The following P3H2 variants were observed in gnomAD, a reference collection of about 807,000 sequenced individuals.
The protein encoded by P3H2 is leprecan-like 1.
In P3H2, 80 loss-of-function variants were observed where a neutral mutation model predicts 87.0. The ratio of observed to expected loss-of-function variants is 0.92; its 90% CI spans 0.77 to 1.11. P3H2 has a LOEUF of 1.11. Ranked by LOEUF, P3H2 falls within the 50% of genes least tolerant of loss-of-function variation. The pLI, the probability that P3H2 is intolerant of heterozygous loss-of-function variation, is 0.00. For missense variants in P3H2, 1,001 were observed against 923.9 expected, an observed-to-expected ratio of 1.08 and a Z score of -1.08; for synonymous variants, 367 against 359.3, an observed-to-expected ratio of 1.02 and a Z score of -0.24.
chr3:189,978,401 G>A (rs1723417814), intron 8 of P3H2, among the ~76,000 whole-genome samples: 2 of 152,152 alleles, frequency 1.3e-5, no homozygotes, highest in Admixed American at 1.3e-4. Flanking sequence ...GGAATACTGT[G>A]TTAAGTTCTG....
rs368247230 is a variant in P3H2 at position 190,080,010 on chromosome 3, G to A, written c.480+40242C>T. 4.9e-4 allele frequency among the ~76,000 whole-genome samples: 75 copies of A among 152,320 alleles called. 1 individual carries two copies. In the South Asian group the frequency reaches 0.015, roughly 30 times the overall value. Reference sequence around the variant, plus strand: ...TCAATGAATCATTGTTATTATAATAGAGTAGGAAAAGGCAAGTTATATATT... The same window carrying A: ...TCAATGAATCATTGTTATTATAATAAAGTAGGAAAAGGCAAGTTATATATT... On this transcript the variant is annotated intron_variant, in intron 1 of 14. Transcript: ENST00000319332.
chr3:189,978,745 C>T (rs150813396), intron 8 of P3H2, among the ~76,000 whole-genome samples: 67 of 151,530 alleles, frequency 4.4e-4, no homozygotes, highest in Non-Finnish European at 7.8e-4. Flanking sequence ...GTCAACCAGC[C>T]TCCATATGAC....
intron 1 of P3H2, among the ~76,000 whole-genome samples, chr3:190,079,262 A>G (rs1440072666): frequency 2.0e-5 from 3 of 151,832 alleles, no homozygotes; most frequent in African/African-American, 7.3e-5. Context: ...AATCACTTGA[A>G]CCCAGGAGGT....
chr3:190,016,769 C>G (rs1364497030), intron 1 of P3H2, among the ~76,000 whole-genome samples: 1 of 152,182 alleles, frequency 6.6e-6, no homozygotes, highest in Non-Finnish European at 1.5e-5. Context: ...GCATCTTCTG[C>G]AGAGTTCTGT....
At chr3:190,035,226 A>G (rs1283251758) in intron 1 of P3H2, among the ~76,000 whole-genome samples, 1 of 152,060 alleles carries the variant, frequency 6.6e-6, no homozygotes, top group Non-Finnish European at 1.5e-5. Flanking sequence ...GGAATAGTTC[A>G]TAAAACAAAA....
chr3:190,120,186 G>A, intron 1 of P3H2, 66 bp downstream of exon 1: 2 of 1,554,116 alleles, frequency 1.3e-6, no homozygotes, highest in Non-Finnish European at 1.7e-6. Flanking sequence ...GGGGGCAGCA[G>A]GGAGGGCTCA....
chr3:189,971,687 A>AT (rs773468275), intron 12 of P3H2: 5 of 566,314 alleles, frequency 8.8e-6, no homozygotes, highest in Non-Finnish European at 1.6e-5. Flanking sequence ...GTGAAATGGG[A>AT]TGCAAACTGT....
chr3:190,053,688 C>G (rs1161214249), intron 1 of P3H2, among the ~76,000 whole-genome samples: 1 of 152,040 alleles, frequency 6.6e-6, no homozygotes, highest in Non-Finnish European at 1.5e-5. Context: ...TAAGTCCTGA[C>G]CTCAGGTGAT....
At chr3:190,100,489 C>A (rs935964172) in intron 1 of P3H2, among the ~76,000 whole-genome samples, 8 of 151,878 alleles carry the variant, frequency 5.3e-5, no homozygotes, top group African/African-American at 1.5e-4. Context: ...AATATTCTGC[C>A]AAATATTAAA....
rs187498021 is a variant in P3H2, at chr3:190,116,221, T to C, written c.480+4031A>G. Among the ~76,000 whole-genome samples, 194 of 152,300 alleles carry C rather than the reference T, an allele frequency of 1.3e-3. 1 individual carries two copies. The highest frequency in any genetic ancestry group is 4.6e-3 in the African/African-American group (191 of 41,566). ...GTGCATTTATATGTTAGGATAGTTATGATTTGAACATGTAGAAGAGGAAGA... is the reference window on the plus strand; with the variant it reads ...GTGCATTTATATGTTAGGATAGTTACGATTTGAACATGTAGAAGAGGAAGA... On this transcript the variant is annotated intron_variant, in intron 1 of 14. Coordinates refer to ENST00000319332, the MANE Select transcript of P3H2 (RefSeq NM_018192.4).
At chr3:190,056,075 A>G (rs1726143906) in intron 1 of P3H2, among the ~76,000 whole-genome samples, 1 of 152,146 alleles carries the variant, frequency 6.6e-6, no homozygotes, top group Non-Finnish European at 1.5e-5. Flanking sequence ...TAGTATCCTT[A>G]TAGGAAGAGA....
intron 6 of P3H2, among the ~76,000 whole-genome samples, chr3:189,985,657 A>C (rs1424942068): frequency 1.3e-5 from 2 of 150,658 alleles, no homozygotes; most frequent in African/African-American, 4.8e-5. Context: ...TTCTCTTAGA[A>C]AAGCAATTTA....
chr3:190,104,607 T>C (rs1165346863), intron 1 of P3H2, among the ~76,000 whole-genome samples: 1 of 152,216 alleles, frequency 6.6e-6, no homozygotes, highest in Non-Finnish European at 1.5e-5. Context: ...CAGAATAGGA[T>C]TGCAAAGCCT....
chr3:189,993,388 T>A (rs2108923126), intron 3 of P3H2, among the ~76,000 whole-genome samples: 1 of 152,198 alleles, frequency 6.6e-6, no homozygotes, highest in East Asian at 1.9e-4. Flanking sequence ...CTCATTTTGT[T>A]CTAACAGTTT....
At chr3:189,982,839 C>CT (rs112041322) in intron 8 of P3H2, among the ~76,000 whole-genome samples, 3 of 150,682 alleles carry the variant, frequency 2.0e-5, no homozygotes, top group Admixed American at 6.6e-5. Context: ...TTCTTTTTTT[C>CT]TTTTTTTTTG....
intron 1 of P3H2, among the ~76,000 whole-genome samples, chr3:190,070,574 G>T (rs939653731): frequency 6.6e-6 from 1 of 152,140 alleles, no homozygotes; most frequent in African/African-American, 2.4e-5. Flanking sequence ...CACGGTCCAA[G>T]GAGGGAGTGG....
At chr3:190,100,260 C>CA (rs1223822981) in intron 1 of P3H2, among the ~76,000 whole-genome samples, 1 of 140,932 alleles carries the variant, frequency 7.1e-6, no homozygotes, top group Non-Finnish European at 1.5e-5. Flanking sequence ...GCCCCCCCCC[C>CA]CAAAAAAAAC....
chr3:190,026,476 C>T (rs533684349), intron 1 of P3H2, among the ~76,000 whole-genome samples: 1 of 152,258 alleles, frequency 6.6e-6, no homozygotes, highest in Admixed American at 6.5e-5. Flanking sequence ...TGAGAGTCAC[C>T]TCCGGTCATC....
chr3:189,968,285 C>T (rs1723062112), intron 13 of P3H2, among the ~76,000 whole-genome samples: 1 of 152,010 alleles, frequency 6.6e-6, no homozygotes, highest in African/African-American at 2.4e-5. Flanking sequence ...TGTGATGTTA[C>T]CCTCCGTGTC....
Sources: allele counts gnomAD v4.1 joint callset (sites outside exome capture counted in the v4.1 genomes callset), GRCh38; gene constraint gnomAD v4.1.1; transcripts MANE v1.5; gene names NCBI Gene and HGNC (gene_info 2026-07-23, HGNC 2026-07-21).